RASAL2: variants seen among roughly 807,000 people sequenced by gnomAD.
RASAL2 encodes ras GTPase-activating protein nGAP.
A neutral mutation model predicts 128.9 loss-of-function variants in RASAL2; 58 were observed. The ratio of observed to expected loss-of-function variants is 0.45; its 90% CI spans 0.36 to 0.56. RASAL2 has a LOEUF of 0.56. RASAL2 is among the 20% of genes least tolerant of loss of function. The pLI is 0.00. For missense variants in RASAL2, 1,360 were observed against 1,601.6 expected, an observed-to-expected ratio of 0.85 and a Z score of 2.57; for synonymous variants, 561 against 580.8, an observed-to-expected ratio of 0.97 and a Z score of 0.49.
At chr1:178,275,963 T>C (rs777539504) in intron 1 of RASAL2, among the ~76,000 whole-genome samples, 24 of 152,236 alleles carry the variant, frequency 1.6e-4, no homozygotes, top group Non-Finnish European at 2.8e-4. Flanking sequence ...CAAATAGTTG[T>C]GGTCTCATAG....
chr1:178,465,672 G>A (rs191586656), intron 15 of RASAL2, among the ~76,000 whole-genome samples: 207 of 152,110 alleles, frequency 1.4e-3, no homozygotes, highest in African/African-American at 4.7e-3. Flanking sequence ...GATTTAAAAT[G>A]TAATTTTAGT....
At chr1:178,399,842 C>T (rs76045107) in intron 4 of RASAL2, among the ~76,000 whole-genome samples, 5,318 of 152,260 alleles carry the variant, frequency 0.035, 107 homozygotes, top group Middle Eastern at 0.092. Context: ...CACTCCCGGC[C>T]TCCAATTCCT....
intron 1 of RASAL2, among the ~76,000 whole-genome samples, chr1:178,267,281 CT>C (rs369120000): frequency 6.6e-6 from 1 of 152,058 alleles, no homozygotes; most frequent in Non-Finnish European, 1.5e-5. Flanking sequence ...TACACTGTTG[CT>C]TTTTTATTCA....
intron 5 of RASAL2, among the ~76,000 whole-genome samples, chr1:178,430,784 A>G (rs905208299): frequency 6.6e-6 from 1 of 152,018 alleles, no homozygotes; most frequent in African/African-American, 2.4e-5. Flanking sequence ...GCTGATGTGA[A>G]TATGTAGGGC....
At chr1:178,101,474 T>C (rs1343512230) in intron 1 of RASAL2, among the ~76,000 whole-genome samples, 4 of 152,222 alleles carry the variant, frequency 2.6e-5, no homozygotes, top group African/African-American at 9.6e-5. Context: ...TGTAGCAGAC[T>C]TTCTAAAAGT....
At chr1:178,099,319 A>G (rs991002188) in intron 1 of RASAL2, among the ~76,000 whole-genome samples, 21 of 152,322 alleles carry the variant, frequency 1.4e-4, no homozygotes, top group Admixed American at 3.3e-4. Context: ...TTAGTTTCCA[A>G]TGATTTCCAA....
intron 1 of RASAL2, among the ~76,000 whole-genome samples, chr1:178,254,640 C>T (rs1312610449): frequency 1.3e-5 from 2 of 152,182 alleles, no homozygotes; most frequent in East Asian, 1.9e-4. Flanking sequence ...GCAACCAAAT[C>T]TTGGCAACCA....
intron 1 of RASAL2, among the ~76,000 whole-genome samples, chr1:178,174,340 A>G (rs2101916587): frequency 6.6e-6 from 1 of 152,014 alleles, no homozygotes; most frequent in East Asian, 1.9e-4. Flanking sequence ...ACTTCTTTCA[A>G]TATTTGTCAT....
intron 1 of RASAL2, among the ~76,000 whole-genome samples, chr1:178,221,837 C>A (rs976336191): frequency 6.6e-6 from 1 of 152,088 alleles, no homozygotes; most frequent in Non-Finnish European, 1.5e-5. Flanking sequence ...TGGATCTGTC[C>A]ATTTCTGATA....
At chr1:178,114,345 T>A (rs969590514) in intron 1 of RASAL2, among the ~76,000 whole-genome samples, 55 of 152,138 alleles carry the variant, frequency 3.6e-4, no homozygotes, top group African/African-American at 1.3e-3. Flanking sequence ...AAAATACAGA[T>A]CTCCTTTATT....
intron 14 of RASAL2, among the ~76,000 whole-genome samples, chr1:178,460,334 C>T (rs920870334): frequency 5.9e-5 from 9 of 151,886 alleles, no homozygotes; most frequent in African/African-American, 2.2e-4. Flanking sequence ...CCCTTTCCTT[C>T]TGTATCATGG....
At chr1:178,356,194 C>T (rs1159127725) in intron 3 of RASAL2, among the ~76,000 whole-genome samples, 1 of 144,028 alleles carries the variant, frequency 6.9e-6, no homozygotes. Context: ...AAAAAACCCA[C>T]AAGATACCCC....
intron 14 of RASAL2, among the ~76,000 whole-genome samples, chr1:178,460,761 T>G (rs1479833716): frequency 1.3e-5 from 2 of 152,170 alleles, no homozygotes; most frequent in African/African-American, 4.8e-5. Context: ...CTTTTTTTTT[T>G]CCTACACTGG....
At chr1:178,157,452 C>A (rs1383865477) in intron 1 of RASAL2, among the ~76,000 whole-genome samples, 1 of 152,124 alleles carries the variant, frequency 6.6e-6, no homozygotes, top group Non-Finnish European at 1.5e-5. Flanking sequence ...TAGTTTTTGC[C>A]CTTGTGTGGA....
chr1:178,351,688 CA>C (rs1193952509), intron 3 of RASAL2, among the ~76,000 whole-genome samples: 1 of 149,442 alleles, frequency 6.7e-6, no homozygotes, highest in Non-Finnish European at 1.5e-5. Context: ...AAGATTGTGC[CA>C]CTGCACTCCA....
At position 178,309,481 on chromosome 1, in the gene RASAL2, G is replaced by A. The variant is rs1668138925; in HGVS notation, c.457+9363G>A. Reference sequence around the variant, plus strand: ...AAAACCCTGGAAAAATCTTCCTCAAGGTTTTGGTTGAGTAGTTTTGGGTTT... The same window carrying A: ...AAAACCCTGGAAAAATCTTCCTCAAAGTTTTGGTTGAGTAGTTTTGGGTTT... On this transcript the variant is annotated intron_variant, in intron 3 of 17. Coordinates refer to ENST00000367649, the MANE Select transcript of RASAL2 (RefSeq NM_170692.4). Among the ~76,000 whole-genome samples, 6 of 152,036 alleles carry A rather than the reference G, an allele frequency of 3.9e-5. No homozygotes were observed. In the South Asian group the frequency reaches 1.2e-3, roughly 32 times the overall value.
At chr1:178,367,584 A>AC (rs774533973) in intron 3 of RASAL2, among the ~76,000 whole-genome samples, 75 of 152,110 alleles carry the variant, frequency 4.9e-4, no homozygotes, top group Non-Finnish European at 9.1e-4. Context: ...ATTAGCACTG[A>AC]TATTGTTGAA....
chr1:178,421,691 C>A (rs1675153123), intron 5 of RASAL2, among the ~76,000 whole-genome samples: 1 of 151,446 alleles, frequency 6.6e-6, no homozygotes, highest in African/African-American at 2.4e-5. Context: ...CACTTATCTA[C>A]CTAGAAAACA....
intron 3 of RASAL2, among the ~76,000 whole-genome samples, chr1:178,374,468 C>T (rs1671884854): frequency 6.6e-6 from 1 of 152,032 alleles, no homozygotes; most frequent in African/African-American, 2.4e-5. Context: ...AAGAAAAGTA[C>T]TTTGTGCTGG....
Sources: gnomAD v4.1 joint callset for allele counts (sites outside exome capture counted in the v4.1 genomes callset) on GRCh38, gnomAD v4.1.1 for gene constraint, MANE v1.5 for transcripts, NCBI Gene and HGNC (gene_info 2026-07-23, HGNC 2026-07-21) for gene names.